CLIP1: variants seen among roughly 807,000 people sequenced by gnomAD.
CLIP1 encodes the protein CAP-Gly domain containing linker protein 1.
CLIP1 carries 66 observed loss-of-function variants against 161.6 expected under a neutral mutation model. The observed-to-expected ratio is 0.41, with a 90% CI of 0.33 to 0.50. The LOEUF (loss-of-function observed/expected upper bound fraction) is 0.50. Among genes scored for constraint, CLIP1 ranks in the 20% least tolerant of loss-of-function variants. The pLI, the probability that CLIP1 is intolerant of heterozygous loss-of-function variation, is 0.27. For synonymous variants in CLIP1, 598 were observed against 626.2 expected (o/e 0.96, Z 0.67); for missense variants, 1,376 against 1,702.0 (o/e 0.81, Z 3.37).
chr12:122,324,493 A>G (rs1361334649), intron 17 of CLIP1, among the ~76,000 whole-genome samples: 2 of 152,252 alleles, frequency 1.3e-5, no homozygotes, highest in African/African-American at 4.8e-5. Context: ...AATTTCTACA[A>G]TAAACTTTAT....
intron 24 of CLIP1, chr12:122,277,846 A>AT: frequency 1.6e-5 from 4 of 253,092 alleles, no homozygotes; most frequent in Non-Finnish European, 2.2e-5. Context: ...AAAAAAAAAA[A>AT]GGGAGGGAAG....
intron 5 of CLIP1, among the ~76,000 whole-genome samples, chr12:122,356,946 G>A (rs887375366): frequency 2.0e-5 from 3 of 152,224 alleles, no homozygotes; most frequent in Non-Finnish European, 2.9e-5. Flanking sequence ...AGTGCTCAAT[G>A]GTACCCAGGC....
intron 11 of CLIP1, among the ~76,000 whole-genome samples, chr12:122,339,782 G>A (rs1449426446): frequency 6.6e-6 from 1 of 152,194 alleles, no homozygotes; most frequent in Non-Finnish European, 1.5e-5. Flanking sequence ...ATCACAGGGT[G>A]CACTTACACA....
rs1377230620 is a variant in CLIP1, at chr12:122,387,566, ATATATATATATATATATATATATATTTTT to A, written c.-106-7037_-106-7009del. 1.9e-4 allele frequency among the ~76,000 whole-genome samples: 14 copies of A among 74,256 alleles called. 3 individuals are homozygous for A. In the East Asian group the frequency reaches 4.3e-3, roughly 23 times the overall value. The allele number at this position is 74,256 out of a possible 152,430, so 48.7% of individuals were successfully genotyped here. On this transcript the variant is annotated intron_variant, in intron 1 of 25. Transcript: ENST00000620786. ...CCTTTTCATATATATATATATATAT[ATATATATATATATATATATATATATTTTT>A]TTTTTTTTTTTTTTTTTTTTTAGAA... is the stretch of plus-strand genomic sequence containing the variant.
rs1204342572 is a variant in CLIP1, at chr12:122,377,365, AC to A, written c.657+23del. ...GTTTATATCTCAGTTCAATGAAATG[AC>A]CTCAGAATGTTTCTCTACTCACCAA... On this transcript the variant is annotated intron_variant, in intron 3 of 25. Coordinates refer to ENST00000620786, the MANE Select transcript of CLIP1 (RefSeq NM_001247997.2). 8 of 1,585,228 alleles carry A rather than the reference AC, an allele frequency of 5.0e-6. No homozygotes were observed. The African/African-American group carries it at 1.1e-4, about 21-fold the overall frequency.
chr12:122,371,662 A>AG (rs1391364044), intron 3 of CLIP1, among the ~76,000 whole-genome samples: 2 of 152,204 alleles, frequency 1.3e-5, no homozygotes, highest in Admixed American at 1.3e-4. Context: ...CAAAGCAGTC[A>AG]GGGCACAGGG....
chr12:122,404,486 T>C lies in CLIP1; in HGVS notation c.-107+18035A>G, dbSNP rs1027727760. Among the ~76,000 whole-genome samples the C allele has an allele frequency of 2.0e-5, 3 of 152,064 alleles. No individual in the cohort carries two copies. In the East Asian group the frequency reaches 5.8e-4, roughly 29 times the overall value. On this transcript the variant is annotated intron_variant, in intron 1 of 25. Coordinates refer to ENST00000620786, the MANE Select transcript of CLIP1 (RefSeq NM_001247997.2). Reference sequence around the variant, plus strand: ...TGGTGGCACATTCCTGTAATCCCAGTTATTCAGGAGTCTGAGGCAGGAGAA... The same window carrying C: ...TGGTGGCACATTCCTGTAATCCCAGCTATTCAGGAGTCTGAGGCAGGAGAA...
At chr12:122,400,272 A>G (rs1288940530) in intron 1 of CLIP1, 1 of 152,128 alleles carries the variant, frequency 6.6e-6, no homozygotes, top group Non-Finnish European at 1.5e-5. Context: ...ATTGAAGGGC[A>G]TTTGCAAATT....
At chr12:122,351,365 C>G (rs1299447805) in intron 8 of CLIP1, among the ~76,000 whole-genome samples, 1 of 152,142 alleles carries the variant, frequency 6.6e-6, no homozygotes, top group African/African-American at 2.4e-5. Flanking sequence ...CATGAAACTT[C>G]TAATGAGACT....
chr12:122,374,405 G>A (rs1954614206), intron 3 of CLIP1, among the ~76,000 whole-genome samples: 1 of 151,782 alleles, frequency 6.6e-6, no homozygotes, highest in Non-Finnish European at 1.5e-5. Flanking sequence ...CAGATCACGA[G>A]GTCAAGAGAT....
chr12:122,375,920 C>T (rs186434576), intron 3 of CLIP1, among the ~76,000 whole-genome samples: 82 of 151,358 alleles, frequency 5.4e-4, no homozygotes, highest in African/African-American at 1.9e-3. Context: ...GGACTACAGG[C>T]GTGAGACCCC....
At chr12:122,419,460 A>G (rs541887855) in intron 1 of CLIP1, among the ~76,000 whole-genome samples, 4 of 152,010 alleles carry the variant, frequency 2.6e-5, no homozygotes, top group East Asian at 1.9e-4. Context: ...AAATGTGAAG[A>G]CCCTGGCCTT....
At chr12:122,306,135 G>A (rs1208158737) in intron 20 of CLIP1, among the ~76,000 whole-genome samples, 1 of 151,596 alleles carries the variant, frequency 6.6e-6, no homozygotes, top group Non-Finnish European at 1.5e-5. Context: ...TCCCATGCTG[G>A]AAGCTTCCTG....
At chr12:122,304,336 A>G (rs757311805) in intron 20 of CLIP1, among the ~76,000 whole-genome samples, 5 of 152,058 alleles carry the variant, frequency 3.3e-5, no homozygotes, top group Admixed American at 6.6e-5. Flanking sequence ...TCAAACCACA[A>G]TTTTGTTTCC....
chr12:122,420,345 CAA>C (rs201870829), intron 1 of CLIP1, among the ~76,000 whole-genome samples: 8 of 124,010 alleles, frequency 6.5e-5, no homozygotes, highest in African/African-American at 9.0e-5. Flanking sequence ...AATTCCATGT[CAA>C]AAAAAAAAAA....
rs369283027 is a variant in CLIP1 at position 122,341,066 on chromosome 12, A to G, written c.2138T>C (p.Ile713Thr). The G allele has an allele frequency of 8.1e-6, 13 of 1,613,844 alleles. No homozygotes were observed. In the East Asian group the frequency reaches 1.1e-4, roughly 14 times the overall value. ...TTCTGCTTTGTCCAGTTTCGACCTG[A>G]TGGCTTCCAGACTGTTTTCCTTTTC... is the stretch of plus-strand genomic sequence containing the variant. Reference protein sequence around the residue: ...IKEKENSLEAIRSKLDKAEDQ... With the variant: ...IKEKENSLEATRSKLDKAEDQ... The change falls in exon 11 of 26, where the codon ATC (isoleucine) becomes ACC (threonine). Residue 713 changes from isoleucine (I) to threonine (T), a missense_variant. Physicochemically the swap from Ile to Thr is moderately conservative, Grantham distance 89. Coordinates refer to ENST00000620786, the MANE Select transcript of CLIP1 (RefSeq NM_001247997.2).
intron 11 of CLIP1, among the ~76,000 whole-genome samples, chr12:122,336,962 GTTTT>G (rs11433673): frequency 6.9e-6 from 1 of 144,330 alleles, no homozygotes; most frequent in Non-Finnish European, 1.5e-5. Flanking sequence ...CTATTTTTGT[GTTTT>G]TTTTTTTTTC....
At chr12:122,370,907 G>A (rs1215357820) in intron 3 of CLIP1, among the ~76,000 whole-genome samples, 1 of 146,466 alleles carries the variant, frequency 6.8e-6, no homozygotes, top group Non-Finnish European at 1.5e-5. Flanking sequence ...GCAGTGAGCC[G>A]AGATCATGCC....
chr12:122,395,208 T>G (rs1566222748), intron 1 of CLIP1, among the ~76,000 whole-genome samples: 1 of 152,186 alleles, frequency 6.6e-6, no homozygotes, highest in African/African-American at 2.4e-5. Flanking sequence ...GTAAAAACAC[T>G]TTCTATTCAA....
Sources: gnomAD v4.1 joint callset for allele counts (sites outside exome capture counted in the v4.1 genomes callset) on GRCh38, gnomAD v4.1.1 for gene constraint, MANE v1.5 for transcripts, NCBI Gene and HGNC (gene_info 2026-07-23, HGNC 2026-07-21) for gene names.